Variants in CSMD3 observed in about 807,000 individuals in gnomAD.
CSMD3 encodes the protein CUB and Sushi multiple domains 3.
CSMD3 carries 177 observed loss-of-function variants against 435.2 expected under a neutral mutation model. That is an observed-to-expected ratio of 0.41 (90% CI 0.36 to 0.46). The LOEUF (loss-of-function observed/expected upper bound fraction) is 0.46. Ranked by LOEUF, CSMD3 falls within the 20% of genes least tolerant of loss-of-function variation. The pLI, the probability that CSMD3 is intolerant of heterozygous loss-of-function variation, is 0.34. For synonymous variants in CSMD3, 1,656 were observed against 1,520.5 expected (o/e 1.09, Z -2.07); for missense variants, 4,265 against 4,504.6 (o/e 0.95, Z 1.52).
At chr8:112,877,552 G>A (rs1047460598) in intron 10 of CSMD3, among the ~76,000 whole-genome samples, 11 of 152,014 alleles carry the variant, frequency 7.2e-5, no homozygotes, top group Non-Finnish European at 1.2e-4. Flanking sequence ...ACAGGCATGA[G>A]CCACCATGTC....
At chr8:113,121,972 A>T (rs2356049) in intron 4 of CSMD3, among the ~76,000 whole-genome samples, 1 of 151,948 alleles carries the variant, frequency 6.6e-6, no homozygotes, top group Admixed American at 6.6e-5. Context: ...TGATGTATAA[A>T]AAGGTACCCC....
chr8:112,318,821 A>T lies in CSMD3; in HGVS notation c.7360+16T>A. On this transcript the variant is annotated intron_variant, in intron 47 of 70. Transcript: ENST00000297405. ...AAATATTTAAGAAATAAATAATCAT[A>T]GGAACCATTGAATACCTTGACAAAC... 6.6e-7 allele frequency: 1 copy of T among 1,506,622 alleles called. No homozygotes were observed. Among genetic ancestry groups the T allele is most frequent in the Non-Finnish European group, 9.2e-7 (1 of 1,083,970 alleles). 93.3% of individuals were successfully genotyped at this position (1,506,622 alleles called of 1,614,324 possible). A position where few individuals can be genotyped will look rare whatever the true frequency, so the allele number is the denominator to read the frequency against.
intron 3 of CSMD3, among the ~76,000 whole-genome samples, chr8:113,190,851 A>G (rs1347167589): frequency 6.6e-6 from 1 of 151,792 alleles, no homozygotes. Context: ...TTTCCATGAC[A>G]TTAACAATTT....
chr8:113,146,263 A>T (rs2131754353), intron 4 of CSMD3, among the ~76,000 whole-genome samples: 1 of 151,642 alleles, frequency 6.6e-6, no homozygotes, highest in East Asian at 2.0e-4. Flanking sequence ...TGTCAGCCTC[A>T]ATGTAACCAC....
At chr8:112,411,339 T>C (rs189955851) in intron 32 of CSMD3, among the ~76,000 whole-genome samples, 10 of 151,924 alleles carry the variant, frequency 6.6e-5, no homozygotes, top group Non-Finnish European at 1.0e-4. Flanking sequence ...TTGTAGTTAT[T>C]AACTCGGTTG....
chr8:112,903,788 A>C (rs764283653), intron 10 of CSMD3, among the ~76,000 whole-genome samples: 1 of 151,364 alleles, frequency 6.6e-6, no homozygotes, highest in Non-Finnish European at 1.5e-5. Context: ...ACATTTCCAA[A>C]GTAAAACACT....
intron 1 of CSMD3, among the ~76,000 whole-genome samples, chr8:113,385,335 A>T (rs1048978284): frequency 1.3e-5 from 2 of 152,102 alleles, no homozygotes; most frequent in East Asian, 1.9e-4. Flanking sequence ...AAAAACCACA[A>T]TCATTCACAA....
chr8:112,341,093 T>G (rs2130987746), intron 42 of CSMD3, among the ~76,000 whole-genome samples: 1 of 152,180 alleles, frequency 6.6e-6, no homozygotes, highest in South Asian at 2.1e-4. Flanking sequence ...AAAAGAACAT[T>G]TTACATAATA....
chr8:112,946,861 A>G (rs191379721), intron 9 of CSMD3, among the ~76,000 whole-genome samples: 7 of 151,854 alleles, frequency 4.6e-5, no homozygotes, highest in Admixed American at 3.3e-4. Flanking sequence ...GTATAGCAAA[A>G]TGTAACTTTA....
At chr8:112,881,661 A>G (rs1406879635) in intron 10 of CSMD3, among the ~76,000 whole-genome samples, 1 of 152,038 alleles carries the variant, frequency 6.6e-6, no homozygotes, top group Non-Finnish European at 1.5e-5. Flanking sequence ...ATATGAAGGC[A>G]GCATAATAGC....
At chr8:112,263,158 AAAAC>A (rs1816596318) in intron 61 of CSMD3, among the ~76,000 whole-genome samples, 2 of 151,328 alleles carry the variant, frequency 1.3e-5, no homozygotes, top group Non-Finnish European at 2.9e-5. Context: ...AAAAAAAGGC[AAAAC>A]AAACAAACAA....
At chr8:113,369,998 A>T (rs1032266178) in intron 1 of CSMD3, among the ~76,000 whole-genome samples, 2 of 151,918 alleles carry the variant, frequency 1.3e-5, no homozygotes, top group African/African-American at 4.8e-5. Flanking sequence ...TGTATTGTAC[A>T]TGATGACTAT....
intron 13 of CSMD3, among the ~76,000 whole-genome samples, chr8:112,773,977 T>C (rs1455740505): frequency 1.3e-5 from 2 of 152,080 alleles, no homozygotes; most frequent in Non-Finnish European, 2.9e-5. Context: ...TACCTCCATC[T>C]TGGTACTGTC....
intron 13 of CSMD3, among the ~76,000 whole-genome samples, chr8:112,776,410 C>T (rs1465498489): frequency 6.6e-6 from 1 of 151,650 alleles, no homozygotes; most frequent in African/African-American, 2.4e-5. Context: ...TAAGCTTCAA[C>T]TTGACTAAGA....
intron 3 of CSMD3, among the ~76,000 whole-genome samples, chr8:113,247,764 A>G (rs564491170): frequency 1.5e-3 from 221 of 152,250 alleles, no homozygotes; most frequent in Middle Eastern, 3.4e-3. Context: ...CAGATTCTTA[A>G]GCAATGCATA....
intron 3 of CSMD3, among the ~76,000 whole-genome samples, chr8:113,204,736 T>C (rs2092752546): frequency 6.6e-6 from 1 of 152,172 alleles, no homozygotes; most frequent in Non-Finnish European, 1.5e-5. Flanking sequence ...TAGATGTACA[T>C]GTACTTACCA....
intron 3 of CSMD3, among the ~76,000 whole-genome samples, chr8:113,229,205 C>T (rs1425545772): frequency 1.3e-5 from 2 of 150,452 alleles, no homozygotes; most frequent in African/African-American, 5.0e-5. Context: ...GCCACAGATA[C>T]TCAGTACAGT....
At chr8:112,336,913 C>A (rs1824625413) in intron 43 of CSMD3, 84 bp from the exon 44 acceptor site, 1 of 1,146,550 alleles carries the variant, frequency 8.7e-7, no homozygotes, top group Admixed American at 1.9e-5. Flanking sequence ...TTTCACATAT[C>A]TTAAGCATTA....
chr8:112,503,728 T>C (rs1822216980), intron 30 of CSMD3, 62 bp downstream of exon 30: 1 of 1,224,422 alleles, frequency 8.2e-7, no homozygotes, highest in Non-Finnish European at 1.2e-6. Flanking sequence ...TACCAAATTA[T>C]TCTCCTGTAT....
Sources: gnomAD v4.1 joint callset for allele counts (sites outside exome capture counted in the v4.1 genomes callset) on GRCh38, gnomAD v4.1.1 for gene constraint, MANE v1.5 for transcripts, NCBI Gene and HGNC (gene_info 2026-07-23, HGNC 2026-07-21) for gene names.